Variants in EPB41L1 observed in about 807,000 individuals in gnomAD.
The protein encoded by EPB41L1 is band 4.1-like protein 1.
In EPB41L1, 29 loss-of-function variants were observed where a neutral mutation model predicts 97.8. That is an observed-to-expected ratio of 0.30 (90% confidence interval 0.22 to 0.40). The LOEUF is 0.40. EPB41L1 is among the 10% of genes least tolerant of loss of function. The probability of loss-of-function intolerance (pLI) is 1.00; values close to 1 mark genes in which losing one functional copy is unlikely to be tolerated. For synonymous variants in EPB41L1, 383 were observed against 459.2 expected, an observed-to-expected ratio of 0.83 and a Z score of 2.12; for missense variants, 812 against 1,162.3, an observed-to-expected ratio of 0.70 and a Z score of 4.38.
intron 14 of EPB41L1, among the ~76,000 whole-genome samples, chr20:36,200,242 A>G (rs1382108252): frequency 6.6e-6 from 1 of 152,184 alleles, no homozygotes; most frequent in Non-Finnish European, 1.5e-5. Flanking sequence ...TAGTTGGGAA[A>G]GTAGAGTGAA....
intron 2 of EPB41L1, among the ~76,000 whole-genome samples, chr20:36,125,051 G>A (rs1158563539): frequency 1.3e-5 from 2 of 152,116 alleles, no homozygotes; most frequent in Non-Finnish European, 2.9e-5. Context: ...TCATTGCTGG[G>A]CCATTAATGT....
rs1056739293 is a variant in EPB41L1 at position 36,209,216 on chromosome 20, C to T, written c.1669-272C>T. ...TGGATGGAGCCTCCTGTCCAGGAGTCACTGGCAGGACGTTTGCTTTGTACT... is the reference window on the plus strand; with the variant it reads ...TGGATGGAGCCTCCTGTCCAGGAGTTACTGGCAGGACGTTTGCTTTGTACT... On this transcript the variant is annotated intron_variant, in intron 14 of 21. Transcript: ENST00000338074. This position sits in a 1 kb window ranked among gnomAD's most constrained non-coding sequence, Gnocchi z 4.2. Among the ~76,000 whole-genome samples the T allele has an allele frequency of 1.3e-5, 2 of 152,164 alleles. No individual in the cohort carries two copies. Among genetic ancestry groups the T allele is most frequent in the Non-Finnish European group, 2.9e-5 (2 of 68,038 alleles).
chr20:36,214,195 G>A (rs1319494350), intron 16 of EPB41L1, among the ~76,000 whole-genome samples, 162 bp from the exon 17 acceptor site: 1 of 152,112 alleles, frequency 6.6e-6, no homozygotes, highest in African/African-American at 2.4e-5. Context: ...AATGTAATGA[G>A]GGCCTGTTGC....
chr20:36,195,189 C>A lies in EPB41L1; in HGVS notation c.1450-140C>A. The A allele has an allele frequency of 1.1e-6, 1 of 948,584 alleles. No homozygotes were observed. The highest frequency in any genetic ancestry group is 1.7e-6 in the Non-Finnish European group (1 of 598,556). 58.8% of individuals were successfully genotyped at this position (948,584 alleles called of 1,614,324 possible). On this transcript the variant is annotated intron_variant, in intron 12 of 21. Transcript: ENST00000338074. The surrounding 1 kb of genome is among the most constrained non-coding windows in gnomAD (Gnocchi z 4.6). ...GACTACCTCACTGCCCTGCTGGTGG[C>A]CCACCCAGCTGCCCTGGCCTCCACT...
rs2057748001 is a variant in EPB41L1 at position 36,093,908 on chromosome 20, G to A, written c.-65+2296G>A. Among the ~76,000 whole-genome samples, 1 of 152,112 alleles carries A rather than the reference G, an allele frequency of 6.6e-6. No individual in the cohort carries two copies. Among genetic ancestry groups the A allele is most frequent in the Non-Finnish European group, 1.5e-5 (1 of 68,008 alleles). On this transcript the variant is annotated intron_variant, in intron 1 of 19. Transcript: ENST00000202028. The surrounding 1 kb of genome is among the most constrained non-coding windows in gnomAD (Gnocchi z 5.4). Reference sequence around the variant, plus strand: ...CTCACCCGTGCAGGGCTCTGGGTGGGTGGGAAGGTAGGTGGGTAGAAGCTC... The same window carrying A: ...CTCACCCGTGCAGGGCTCTGGGTGGATGGGAAGGTAGGTGGGTAGAAGCTC...
chr20:36,169,452 AGT>A (rs2060884617), intron 1 of EPB41L1, among the ~76,000 whole-genome samples: 1 of 151,932 alleles, frequency 6.6e-6, no homozygotes, highest in Admixed American at 6.6e-5. Context: ...AGCAACGCTT[AGT>A]GTTGGGATCT....
In EPB41L1 at chr20:36,232,737, G is replaced by A. The variant is rs1054222179; in HGVS notation, c.*3397G>A. 2.0e-5 allele frequency: 8 copies of A among 398,590 alleles called. No homozygotes were observed. The highest frequency in any genetic ancestry group is 1.8e-4 in the Admixed American group (4 of 22,670). 24.7% of individuals were successfully genotyped at this position (398,590 alleles called of 1,614,324 possible). The stretch of plus-strand genomic sequence containing the variant: ...CACCTCAGTGCTCCGTGCTGTATGC[G>A]TGTGCTCTCTGTTCTTGTATACTCA... On this transcript the variant is annotated 3_prime_UTR_variant, in exon 22 of 22. Transcript: ENST00000338074.
At chr20:36,204,388 C>T (rs1425737704) in intron 14 of EPB41L1, among the ~76,000 whole-genome samples, 1 of 151,570 alleles carries the variant, frequency 6.6e-6, no homozygotes, top group Non-Finnish European at 1.5e-5. Context: ...AGAAGTCCAT[C>T]ATCCCTCCCA....
At chr20:36,103,460 GA>G (rs1426412336) in intron 1 of EPB41L1, among the ~76,000 whole-genome samples, 3 of 152,186 alleles carry the variant, frequency 2.0e-5, no homozygotes, top group African/African-American at 7.2e-5. Flanking sequence ...CTTAAATTCC[GA>G]TCTTGATTCT....
At chr20:36,157,172 C>T (rs1013237677) in intron 1 of EPB41L1, among the ~76,000 whole-genome samples, 2 of 152,032 alleles carry the variant, frequency 1.3e-5, no homozygotes, top group Non-Finnish European at 2.9e-5. Flanking sequence ...TGCAGTGAGC[C>T]GACATCGTGC....
At chr20:36,141,001 G>C (rs2059616844) in intron 2 of EPB41L1, among the ~76,000 whole-genome samples, 1 of 152,216 alleles carries the variant, frequency 6.6e-6, no homozygotes, top group Admixed American at 6.5e-5. Flanking sequence ...AGGGCATGTG[G>C]CCCCAGATGG....
intron 1 of EPB41L1, among the ~76,000 whole-genome samples, chr20:36,172,961 G>C (rs915127849): frequency 4.6e-5 from 7 of 152,124 alleles, no homozygotes; most frequent in Non-Finnish European, 7.4e-5. Flanking sequence ...TTCTCTCTCT[G>C]TAACTTGCCT....
At chr20:36,095,804 G>A (rs1261196531) in intron 1 of EPB41L1, among the ~76,000 whole-genome samples, 1 of 152,208 alleles carries the variant, frequency 6.6e-6, no homozygotes, top group Non-Finnish European at 1.5e-5. Context: ...AGCACTTTGG[G>A]AGGCGAGGCG....
At chr20:36,127,454 A>G (rs964169306) in intron 2 of EPB41L1, among the ~76,000 whole-genome samples, 1 of 152,052 alleles carries the variant, frequency 6.6e-6, no homozygotes, top group Non-Finnish European at 1.5e-5. Context: ...GTCCCCATGG[A>G]TGCACTGTGT....
intron 1 of EPB41L1, among the ~76,000 whole-genome samples, chr20:36,099,163 C>T (rs534818716): frequency 3.3e-5 from 5 of 151,894 alleles, no homozygotes; most frequent in South Asian, 2.1e-4. Flanking sequence ...AGCAAGACTC[C>T]GTCTCGAAAA....
intron 2 of EPB41L1, among the ~76,000 whole-genome samples, chr20:36,120,043 CT>C (rs1408230944): frequency 2.0e-5 from 3 of 152,202 alleles, no homozygotes; most frequent in African/African-American, 7.2e-5. Flanking sequence ...GAGTCCACCC[CT>C]GACATTGCTG....
Position 36,185,782 on chromosome 20 carries a change from T to G in EPB41L1, c.785+447T>G, listed in dbSNP as rs541832197. Among the ~76,000 whole-genome samples the G allele has an allele frequency of 5.3e-5, 8 of 152,314 alleles. No individual in the cohort carries two copies. In the South Asian group the frequency reaches 1.7e-3, roughly 32 times the overall value. ...AGGAAGGTCATTTCACTTCCTATGC[T>G]TTGGTTTCCTCATCTGTTCAAGGTG... On this transcript the variant is annotated intron_variant, in intron 7 of 21. Coordinates refer to ENST00000338074, the MANE Select transcript of EPB41L1 (RefSeq NM_012156.2).
chr20:36,114,429 T>C (rs1485986852), intron 2 of EPB41L1, among the ~76,000 whole-genome samples: 1 of 152,128 alleles, frequency 6.6e-6, no homozygotes, highest in Non-Finnish European at 1.5e-5. Flanking sequence ...AACTGCCCAC[T>C]GCAACCCAGG....
intron 21 of EPB41L1, among the ~76,000 whole-genome samples, chr20:36,226,645 T>C (rs1234222267): frequency 1.3e-5 from 2 of 152,224 alleles, no homozygotes; most frequent in African/African-American, 2.4e-5. Context: ...GCACACTGCC[T>C]ACCACATCGC....
Sources: gnomAD v4.1 joint callset for allele counts (sites outside exome capture counted in the v4.1 genomes callset) on GRCh38, gnomAD v4.1.1 for gene constraint, Gnocchi (gnomAD v3.1) non-coding constraint, MANE v1.5 for transcripts, NCBI Gene and HGNC (gene_info 2026-07-23, HGNC 2026-07-21) for gene names.